The following TRIM62 variants were observed in gnomAD, a reference collection of about 807,000 sequenced individuals.
TRIM62 encodes tripartite motif containing 62, also known as E3 ubiquitin-protein ligase TRIM62.
TRIM62 carries 39 observed loss-of-function variants against 44.2 expected under a neutral mutation model. The observed-to-expected ratio is 0.88, with a 90% confidence interval of 0.68 to 1.15. The LOEUF (loss-of-function observed/expected upper bound fraction) is 1.15, where lower values mean the gene tolerates loss of function less well. TRIM62 is among the 50% of genes most tolerant of loss of function. The pLI, the probability that TRIM62 is intolerant of heterozygous loss-of-function variation, is 0.00. For synonymous variants in TRIM62, 278 were observed against 292.3 expected (o/e 0.95, Z 0.50); for missense variants, 544 against 665.5 (o/e 0.82, Z 2.01).
At chr1:33,162,590 G>A (rs749251729) in intron 2 of TRIM62, among the ~76,000 whole-genome samples, 4 of 152,336 alleles carry the variant, frequency 2.6e-5, no homozygotes, top group East Asian at 1.9e-4. Flanking sequence ...GTGAAGGAGG[G>A]AAGAGTCTTG....
In TRIM62 at chr1:33,146,134, A is replaced by G; in HGVS notation, c.*1043T>C. On this transcript the variant is annotated 3_prime_UTR_variant, in exon 5 of 5. Coordinates refer to ENST00000291416, the MANE Select transcript of TRIM62 (RefSeq NM_018207.3). ...AATCTGGCGCTGGGAGTTCCTGGAA[A>G]TTCAGCAGAGTCTGCTTCTCCAGCT... is the stretch of plus-strand genomic sequence containing the variant. 3.8e-6 allele frequency: 1 copy of G among 263,284 alleles called. No homozygotes were observed. The highest frequency in any genetic ancestry group is 3.5e-5 in the South Asian group (1 of 28,374). The allele number at this position is 263,284 out of a possible 1,614,324, so 16.3% of individuals were successfully genotyped here. A position where few individuals can be genotyped will look rare whatever the true frequency, so the allele number is the denominator to read the frequency against.
chr1:33,168,734 G>A (rs1323477841), intron 1 of TRIM62, among the ~76,000 whole-genome samples: 1 of 152,204 alleles, frequency 6.6e-6, no homozygotes, highest in Non-Finnish European at 1.5e-5. Context: ...TAGAAAGACC[G>A]CTCCTCAGGT....
At chr1:33,178,956 G>C (rs1178237957) in intron 1 of TRIM62, among the ~76,000 whole-genome samples, 2 of 152,218 alleles carry the variant, frequency 1.3e-5, no homozygotes, top group Non-Finnish European at 2.9e-5. Context: ...GCAGAGGCTA[G>C]AAGGTCAGAC....
At chr1:33,157,071 C>G (rs965944439) in intron 4 of TRIM62, among the ~76,000 whole-genome samples, 1 of 151,782 alleles carries the variant, frequency 6.6e-6, no homozygotes. Flanking sequence ...CAAAGGGATC[C>G]TTAAAAAACT....
At chr1:33,149,254 G>A (rs1428317748) in intron 4 of TRIM62, among the ~76,000 whole-genome samples, 1 of 152,222 alleles carries the variant, frequency 6.6e-6, no homozygotes, top group Non-Finnish European at 1.5e-5. Flanking sequence ...CCAGGTTCAA[G>A]TGATTCTCAT....
At position 33,160,028 on chromosome 1, in the gene TRIM62, AC is replaced by A. The variant is rs759862070; in HGVS notation, c.505-85del. Reference sequence around the variant, plus strand: ...TGAGAGGAGGAAATCGAGAGCCTTGACACACAGAGAGGAAAGGGTGGGAAAG... The same window carrying A: ...TGAGAGGAGGAAATCGAGAGCCTTGAACACAGAGAGGAAAGGGTGGGAAAG... On this transcript the variant is annotated intron_variant, in intron 2 of 4. Coordinates refer to ENST00000291416, the MANE Select transcript of TRIM62 (RefSeq NM_018207.3). The A allele has an allele frequency of 1.8e-4, 275 of 1,540,082 alleles. 1 individual carries two copies. Among genetic ancestry groups the A allele is most frequent in the Non-Finnish European group, 2.2e-4 (252 of 1,142,788 alleles).
intron 1 of TRIM62, among the ~76,000 whole-genome samples, chr1:33,172,704 A>C (rs1035482842): frequency 8.5e-5 from 13 of 152,248 alleles, no homozygotes; most frequent in South Asian, 8.3e-4. Flanking sequence ...GACTGGGGCA[A>C]CAGAGGAGTT....
chr1:33,153,195 C>T lies in TRIM62; in HGVS notation c.877+5058G>A, dbSNP rs181596943. Among the ~76,000 whole-genome samples the T allele has an allele frequency of 3.7e-3, 562 of 152,260 alleles. 3 individuals are homozygous for T. Among genetic ancestry groups the T allele is most frequent in the Non-Finnish European group, 4.9e-3 (332 of 68,018 alleles). On this transcript the variant is annotated intron_variant, in intron 4 of 4. Coordinates refer to ENST00000291416, the MANE Select transcript of TRIM62 (RefSeq NM_018207.3). ...GGGCTAGGTCCCTGGGGGCACCCCT[C>T]CCATCTGGACATAAAGGGCTTTGGT... is the stretch of plus-strand genomic sequence containing the variant.
rs1420787725 is a variant in TRIM62, at chr1:33,177,380, C to T, written c.408+3645G>A. 1.3e-5 allele frequency among the ~76,000 whole-genome samples: 2 copies of T among 152,178 alleles called. No homozygotes were observed. The highest frequency in any genetic ancestry group is 1.9e-4 in the East Asian group (1 of 5,190). On this transcript the variant is annotated intron_variant, in intron 1 of 4. Transcript: ENST00000291416. This position sits in a 1 kb window ranked among gnomAD's most constrained non-coding sequence, Gnocchi z 4.1. ...ACCCTTACAACATCCTTCCCAGGAA[C>T]ATCATATCCTCTTGTTATAGATGAA... is the stretch of plus-strand genomic sequence containing the variant.
rs1645227000 is a variant in TRIM62, at chr1:33,159,251, T to A, written c.761+437A>T. ...AAAGCCTTTATATAGTAACACGTAA[T>A]GCCAACATTATCATAAATAAAATAA... On this transcript the variant is annotated intron_variant, in intron 3 of 4. Coordinates refer to ENST00000291416, the MANE Select transcript of TRIM62 (RefSeq NM_018207.3). The surrounding 1 kb of genome is among the most constrained non-coding windows in gnomAD (Gnocchi z 4.2). 6.6e-6 allele frequency among the ~76,000 whole-genome samples: 1 copy of A among 152,126 alleles called. No homozygotes were observed. Among genetic ancestry groups the A allele is most frequent in the African/African-American group, 2.4e-5 (1 of 41,416 alleles).
At chr1:33,173,439 A>ATG (rs368659472) in intron 1 of TRIM62, among the ~76,000 whole-genome samples, 1 of 151,920 alleles carries the variant, frequency 6.6e-6, no homozygotes, top group Non-Finnish European at 1.5e-5. Context: ...GTATGTGTGT[A>ATG]TGTGTGTGTG....
At chr1:33,150,326 G>A (rs558382410) in intron 4 of TRIM62, among the ~76,000 whole-genome samples, 3 of 152,218 alleles carry the variant, frequency 2.0e-5, no homozygotes, top group South Asian at 2.1e-4. Flanking sequence ...TGGCTGCACT[G>A]ATGTGCAGAA....
chr1:33,149,157 T>C (rs1461740910), intron 4 of TRIM62, among the ~76,000 whole-genome samples: 4 of 152,194 alleles, frequency 2.6e-5, no homozygotes, highest in Non-Finnish European at 5.9e-5. Context: ...CTTCTTTTTC[T>C]TATTTATTTA....
chr1:33,179,191 C>A (rs530498996), intron 1 of TRIM62, among the ~76,000 whole-genome samples: 2 of 152,354 alleles, frequency 1.3e-5, no homozygotes, highest in African/African-American at 4.8e-5. Flanking sequence ...ACAGCAGCAG[C>A]GCCTAAAACG....
At chr1:33,155,653 C>T (rs565198923) in intron 4 of TRIM62, among the ~76,000 whole-genome samples, 5 of 152,306 alleles carry the variant, frequency 3.3e-5, no homozygotes, top group African/African-American at 1.2e-4. Flanking sequence ...TTCCTAACAG[C>T]TCTGTGCCTC....
chr1:33,158,709 G>A (rs1332635688), intron 3 of TRIM62, among the ~76,000 whole-genome samples: 1 of 152,206 alleles, frequency 6.6e-6, no homozygotes, highest in Non-Finnish European at 1.5e-5. Flanking sequence ...ACAAACCAAT[G>A]ACTAAGTGTT....
intron 1 of TRIM62, among the ~76,000 whole-genome samples, chr1:33,174,945 G>GTATA (rs72310095): frequency 1.2e-3 from 167 of 141,744 alleles, no homozygotes; most frequent in African/African-American, 4.0e-3. Context: ...ATATATGTGT[G>GTATA]TATATATATA....
intron 1 of TRIM62, among the ~76,000 whole-genome samples, chr1:33,175,360 T>C (rs1398948733): frequency 2.6e-5 from 4 of 152,056 alleles, no homozygotes; most frequent in Non-Finnish European, 1.5e-5. Context: ...ATTAAAGGAA[T>C]CCCTGAATCC....
intron 4 of TRIM62, among the ~76,000 whole-genome samples, chr1:33,148,625 A>C (rs962931253): frequency 9.2e-5 from 14 of 152,226 alleles, no homozygotes; most frequent in Non-Finnish European, 2.1e-4. Context: ...TTTTATTATT[A>C]ATAATTTCCT....
Sources: gnomAD v4.1 joint callset for allele counts (sites outside exome capture counted in the v4.1 genomes callset) on GRCh38, gnomAD v4.1.1 for gene constraint, Gnocchi (gnomAD v3.1) non-coding constraint, MANE v1.5 for transcripts, NCBI Gene and HGNC (gene_info 2026-07-23, HGNC 2026-07-21) for gene names.